ATRNL1: variants seen among roughly 807,000 people sequenced by gnomAD.
ATRNL1 encodes attractin-like protein 1.
In ATRNL1, 95 loss-of-function variants were observed where a neutral mutation model predicts 182.7. The observed-to-expected ratio is 0.52, with a 90% CI of 0.44 to 0.62. ATRNL1 has a LOEUF of 0.62. ATRNL1 is among the 20% of genes least tolerant of loss of function. The pLI is 0.00. For missense variants in ATRNL1, 1,471 were observed against 1,679.5 expected (o/e 0.88, Z 2.17); for synonymous variants, 576 against 568.3 (o/e 1.01, Z -0.19).
chr10:115,883,142 C>T (rs1951864906), intron 28 of ATRNL1, among the ~76,000 whole-genome samples: 1 of 152,142 alleles, frequency 6.6e-6, no homozygotes, highest in African/African-American at 2.4e-5. Flanking sequence ...ATCTTCTGGA[C>T]CCTGGACAAC....
chr10:115,412,561 A>G (rs931405955), intron 20 of ATRNL1, among the ~76,000 whole-genome samples: 1 of 152,356 alleles, frequency 6.6e-6, no homozygotes, highest in Middle Eastern at 3.4e-3. Context: ...ATTATATCCA[A>G]GTACTCTGAT....
intron 25 of ATRNL1, among the ~76,000 whole-genome samples, chr10:115,530,054 G>A (rs567013627): frequency 6.6e-6 from 1 of 152,236 alleles, no homozygotes; most frequent in Admixed American, 6.5e-5. Flanking sequence ...GTATGGATCA[G>A]TACTTTGTTT....
intron 21 of ATRNL1, among the ~76,000 whole-genome samples, chr10:115,427,112 A>T (rs1358244242): frequency 6.6e-6 from 1 of 152,168 alleles, no homozygotes; most frequent in Non-Finnish European, 1.5e-5. Context: ...TGAGAGTTTC[A>T]GTTCTTCCAC....
At chr10:115,175,273 G>A (rs1554886486) in intron 8 of ATRNL1, among the ~76,000 whole-genome samples, 1 of 152,030 alleles carries the variant, frequency 6.6e-6, no homozygotes, top group African/African-American at 2.4e-5. Flanking sequence ...TGGTGGTTAT[G>A]CTTTCCAAGG....
At chr10:115,536,967 T>C (rs1852064017) in intron 25 of ATRNL1, among the ~76,000 whole-genome samples, 1 of 95,152 alleles carries the variant, frequency 1.1e-5, no homozygotes, top group African/African-American at 3.0e-5. Context: ...CAAAAAAGTC[T>C]CTGTTTAAAA....
At chr10:115,756,503 A>T (rs1948593653) in intron 27 of ATRNL1, among the ~76,000 whole-genome samples, 1 of 152,020 alleles carries the variant, frequency 6.6e-6, no homozygotes, top group South Asian at 2.1e-4. Context: ...CTGAGTTCTG[A>T]TTTGATTGCA....
intron 1 of ATRNL1, among the ~76,000 whole-genome samples, chr10:115,098,976 T>A (rs2143399033): frequency 6.6e-6 from 1 of 152,358 alleles, no homozygotes; most frequent in Admixed American, 6.5e-5. Flanking sequence ...TTATACAATT[T>A]GATAAGTTTT....
chr10:115,711,239 T>G (rs570949992), intron 26 of ATRNL1, among the ~76,000 whole-genome samples: 6 of 152,136 alleles, frequency 3.9e-5, no homozygotes, highest in Non-Finnish European at 7.4e-5. Flanking sequence ...TTAGGCAGAT[T>G]TTGTCACCTG....
intron 27 of ATRNL1, among the ~76,000 whole-genome samples, chr10:115,731,340 A>T (rs1001018142): frequency 6.6e-6 from 1 of 152,152 alleles, no homozygotes; most frequent in Non-Finnish European, 1.5e-5. Context: ...GAGGGAACAA[A>T]TGACTCATTC....
intron 27 of ATRNL1, among the ~76,000 whole-genome samples, chr10:115,737,881 A>C (rs1948004976): frequency 6.6e-6 from 1 of 151,964 alleles, no homozygotes; most frequent in African/African-American, 2.4e-5. Flanking sequence ...GCCTCTGTAA[A>C]ATTCTTACAC....
intron 5 of ATRNL1, among the ~76,000 whole-genome samples, chr10:115,151,295 A>G (rs548700093): frequency 1.1e-4 from 16 of 152,218 alleles, no homozygotes; most frequent in South Asian, 2.1e-4. Flanking sequence ...AGGGATCGCC[A>G]CACTGTCTTC....
intron 15 of ATRNL1, among the ~76,000 whole-genome samples, chr10:115,296,166 A>G (rs1853174674): frequency 6.6e-6 from 1 of 152,126 alleles, no homozygotes; most frequent in Non-Finnish European, 1.5e-5. Flanking sequence ...CTCCTTACCT[A>G]TTCCCTATAA....
intron 5 of ATRNL1, among the ~76,000 whole-genome samples, chr10:115,154,557 A>T (rs1554881592): frequency 1.3e-5 from 2 of 152,058 alleles, no homozygotes; most frequent in African/African-American, 4.8e-5. Flanking sequence ...AGAGAAAAAG[A>T]ATTGCAACCC....
chr10:115,604,162 A>T (rs1413606537), intron 26 of ATRNL1, among the ~76,000 whole-genome samples: 1 of 151,874 alleles, frequency 6.6e-6, no homozygotes, highest in Non-Finnish European at 1.5e-5. Context: ...CTATATTTTT[A>T]TGTTATTTTT....
intron 26 of ATRNL1, among the ~76,000 whole-genome samples, chr10:115,564,849 A>G (rs2133847725): frequency 6.6e-6 from 1 of 152,108 alleles, no homozygotes; most frequent in East Asian, 1.9e-4. Flanking sequence ...TATTCTTTAT[A>G]ACCTGTTTTT....
chr10:115,385,394 T>A (rs2134245497), intron 19 of ATRNL1, among the ~76,000 whole-genome samples: 1 of 152,242 alleles, frequency 6.6e-6, no homozygotes. Context: ...TTTTGTCCAC[T>A]TTTAAAAACT....
intron 26 of ATRNL1, among the ~76,000 whole-genome samples, chr10:115,561,900 G>A (rs1853776720): frequency 1.3e-5 from 2 of 152,132 alleles, no homozygotes; most frequent in Admixed American, 1.3e-4. Flanking sequence ...AGGCTGTGGA[G>A]AAATTAGATT....
At chr10:115,834,744 C>T (rs985951) in intron 27 of ATRNL1, among the ~76,000 whole-genome samples, 6,915 of 152,224 alleles carry the variant, frequency 0.045, 550 homozygotes, top group African/African-American at 0.15. Flanking sequence ...TCCCCTACTA[C>T]CTTCCACCAT....
chr10:115,866,748 G>GT (rs1406781751), intron 28 of ATRNL1, among the ~76,000 whole-genome samples: 1 of 152,004 alleles, frequency 6.6e-6, no homozygotes, highest in African/African-American at 2.4e-5. Flanking sequence ...TTTTATGGGA[G>GT]TTTTTTTTAA....
Sources: allele counts gnomAD v4.1 joint callset (sites outside exome capture counted in the v4.1 genomes callset), GRCh38; gene constraint gnomAD v4.1.1; transcripts MANE v1.5; gene names NCBI Gene and HGNC (gene_info 2026-07-23, HGNC 2026-07-21).